The following PDLIM5 variants were observed in gnomAD, a reference collection of about 807,000 sequenced individuals.
The protein encoded by PDLIM5 is PDZ and LIM domain protein 5.
In PDLIM5, 34 loss-of-function variants were observed where a neutral mutation model predicts 64.2. The ratio of observed to expected loss-of-function variants is 0.53; its 90% confidence interval spans 0.40 to 0.71. The LOEUF is 0.71. PDLIM5 is among the 30% of genes least tolerant of loss of function. The pLI is 0.00. For missense variants in PDLIM5, 683 were observed against 733.6 expected, an observed-to-expected ratio of 0.93 and a Z score of 0.80; for synonymous variants, 253 against 269.1, an observed-to-expected ratio of 0.94 and a Z score of 0.59.
chr4:94,569,313 C>T lies in PDLIM5; in HGVS notation c.249-4038C>T, dbSNP rs188233108. Among the ~76,000 whole-genome samples the T allele has an allele frequency of 9.2e-3, 1,313 of 142,874 alleles. 15 individuals are homozygous for T. Among genetic ancestry groups the T allele is most frequent in the Non-Finnish European group, 0.011 (764 of 66,560 alleles). The allele number at this position is 142,874 out of a possible 152,430, so 93.7% of individuals were successfully genotyped here. A position where few individuals can be genotyped will look rare whatever the true frequency, so the allele number is the denominator to read the frequency against. Reference sequence around the variant, plus strand: ...ATGACTTGATAAAGTCATTTTACCCCTTCGTTTGTTTGTTTGTTCGTTTGT... The same window carrying T: ...ATGACTTGATAAAGTCATTTTACCCTTTCGTTTGTTTGTTTGTTCGTTTGT... On this transcript the variant is annotated intron_variant, in intron 3 of 12. Coordinates refer to ENST00000317968, the MANE Select transcript of PDLIM5 (RefSeq NM_006457.5).
At chr4:94,531,667 A>G (rs1730881567) in intron 3 of PDLIM5, among the ~76,000 whole-genome samples, 1 of 152,160 alleles carries the variant, frequency 6.6e-6, no homozygotes, top group South Asian at 2.1e-4. Flanking sequence ...TGATTTGCCT[A>G]ACAAACTCAG....
chr4:94,503,790 A>G (rs973856424), intron 2 of PDLIM5, among the ~76,000 whole-genome samples: 1 of 152,136 alleles, frequency 6.6e-6, no homozygotes, highest in Non-Finnish European at 1.5e-5. Context: ...TACCCCTTTT[A>G]TATTCTCACT....
At chr4:94,521,597 A>G (rs1729832446) in intron 2 of PDLIM5, among the ~76,000 whole-genome samples, 1 of 151,270 alleles carries the variant, frequency 6.6e-6, no homozygotes, top group African/African-American at 2.4e-5. Flanking sequence ...TCTTGAGATG[A>G]TAGCCTCTCA....
At chr4:94,599,451 G>A (rs140699326) in intron 7 of PDLIM5, among the ~76,000 whole-genome samples, 35 of 152,150 alleles carry the variant, frequency 2.3e-4, no homozygotes, top group Middle Eastern at 3.4e-3. Flanking sequence ...TAATAGAATC[G>A]AGGGATAGCA....
chr4:94,595,647 C>G (rs910375635), intron 7 of PDLIM5, among the ~76,000 whole-genome samples: 1 of 151,926 alleles, frequency 6.6e-6, no homozygotes, highest in Admixed American at 6.6e-5. Context: ...ATTCATTGAC[C>G]CACACAAAAT....
intron 2 of PDLIM5, among the ~76,000 whole-genome samples, chr4:94,479,330 C>CTTTTTTTT (rs34176254): frequency 7.6e-6 from 1 of 130,984 alleles, no homozygotes; most frequent in Non-Finnish European, 1.6e-5. Context: ...AGCTTTGAGA[C>CTTTTTTTT]TTTTTTTTTT....
At position 94,664,223 on chromosome 4, in the gene PDLIM5, A is replaced by C. The variant is rs1742953225; in HGVS notation, c.*156A>C. On this transcript the variant is annotated 3_prime_UTR_variant, in exon 13 of 13. Coordinates refer to ENST00000317968, the MANE Select transcript of PDLIM5 (RefSeq NM_006457.5). The stretch of plus-strand genomic sequence containing the variant: ...AGCTTTAAAAACCAAGTCTGAGGAA[A>C]TATTTGGCTTCATAAAGTAAAGAGA... The C allele has an allele frequency of 8.4e-7, 1 of 1,196,196 alleles. No individual in the cohort carries two copies. Among genetic ancestry groups the C allele is most frequent in the South Asian group, 3.3e-5 (1 of 29,966 alleles). 74.1% of individuals were successfully genotyped at this position (1,196,196 alleles called of 1,614,324 possible).
intron 5 of PDLIM5, 108 bp from the exon 6 acceptor site, chr4:94,585,457 G>A (rs1433719635): frequency 3.0e-6 from 2 of 662,350 alleles, no homozygotes; most frequent in Non-Finnish European, 4.5e-6. Flanking sequence ...TTATATAAAA[G>A]GAATATTGAA....
At chr4:94,563,543 G>A (rs756907873) in intron 3 of PDLIM5, among the ~76,000 whole-genome samples, 19 of 152,122 alleles carry the variant, frequency 1.2e-4, no homozygotes, top group Non-Finnish European at 2.5e-4. Context: ...TCCTAATAAG[G>A]CTGTGTTGAA....
At chr4:94,610,261 A>AGCG in intron 7 of PDLIM5, 1 of 1,522,442 alleles carries the variant, frequency 6.6e-7, no homozygotes, top group Non-Finnish European at 8.8e-7. Flanking sequence ...AGTTCTGAGC[A>AGCG]GCGCAGCTGC....
At chr4:94,597,093 G>A (rs1560730090) in intron 7 of PDLIM5, among the ~76,000 whole-genome samples, 1 of 152,008 alleles carries the variant, frequency 6.6e-6, no homozygotes, top group Non-Finnish European at 1.5e-5. Context: ...CAAGTTAGTG[G>A]TACACACTTA....
At chr4:94,645,825 A>G (rs1741369147) in intron 9 of PDLIM5, among the ~76,000 whole-genome samples, 1 of 152,226 alleles carries the variant, frequency 6.6e-6, no homozygotes. Context: ...AATGATATCT[A>G]TTACTGTATT....
intron 3 of PDLIM5, among the ~76,000 whole-genome samples, chr4:94,557,036 T>A (rs912562765): frequency 1.3e-5 from 2 of 152,206 alleles, no homozygotes; most frequent in Non-Finnish European, 2.9e-5. Context: ...TTTATGGTTG[T>A]AGGTCTAACA....
Position 94,636,237 on chromosome 4 carries a change from A to T in PDLIM5, c.1109-4039A>T, listed in dbSNP as rs561662253. Among the ~76,000 whole-genome samples the T allele has an allele frequency of 5.9e-5, 9 of 152,302 alleles. 1 individual carries two copies. In the South Asian group the frequency reaches 1.9e-3, roughly 32 times the overall value. ...GCTAAAAGTATCTCAGTGACTCAGT[A>T]CTTTAGAGCTTATGCATAGATAATG... On this transcript the variant is annotated intron_variant, in intron 8 of 12. Coordinates refer to ENST00000317968, the MANE Select transcript of PDLIM5 (RefSeq NM_006457.5).
At chr4:94,461,437 A>G (rs1723870984) in intron 2 of PDLIM5, among the ~76,000 whole-genome samples, 1 of 152,146 alleles carries the variant, frequency 6.6e-6, no homozygotes, top group Non-Finnish European at 1.5e-5. Context: ...GGGCCACTAT[A>G]TAGTCTTGTT....
chr4:94,545,916 A>G (rs566874747), intron 3 of PDLIM5, among the ~76,000 whole-genome samples: 42 of 152,166 alleles, frequency 2.8e-4, no homozygotes, highest in Non-Finnish European at 5.3e-4. Context: ...CTTCAAAAGT[A>G]TATTTTTATA....
chr4:94,612,753 G>A (rs1038737984), intron 7 of PDLIM5, among the ~76,000 whole-genome samples: 1 of 151,992 alleles, frequency 6.6e-6, no homozygotes, highest in African/African-American at 2.4e-5. Flanking sequence ...TGCTAACTTA[G>A]TGAGAGGAGT....
chr4:94,601,958 C>A (rs1025884785), intron 7 of PDLIM5, among the ~76,000 whole-genome samples: 1 of 152,172 alleles, frequency 6.6e-6, no homozygotes, highest in Non-Finnish European at 1.5e-5. Flanking sequence ...ACATGCCTAG[C>A]AGTTTCCTTG....
intron 7 of PDLIM5, among the ~76,000 whole-genome samples, chr4:94,591,914 C>G (rs952996441): frequency 6.6e-6 from 1 of 152,228 alleles, no homozygotes; most frequent in Non-Finnish European, 1.5e-5. Context: ...TGCACAGGTT[C>G]TCTTTTATTC....
Sources: gnomAD v4.1 joint callset for allele counts (sites outside exome capture counted in the v4.1 genomes callset) on GRCh38, gnomAD v4.1.1 for gene constraint, MANE v1.5 for transcripts, NCBI Gene and HGNC (gene_info 2026-07-23, HGNC 2026-07-21) for gene names.